The following PCDH9 variants were observed in gnomAD, a reference collection of about 807,000 sequenced individuals.
PCDH9 encodes protocadherin-9.
In PCDH9, 24 loss-of-function variants were observed where a neutral mutation model predicts 70.6. The ratio of observed to expected loss-of-function variants is 0.34; its 90% CI spans 0.25 to 0.48. The LOEUF (loss-of-function observed/expected upper bound fraction) is 0.48. Ranked by LOEUF, PCDH9 falls within the 20% of genes least tolerant of loss-of-function variation. PCDH9 has a pLI of 0.99. For synonymous variants in PCDH9, 562 were observed against 558.5 expected, an observed-to-expected ratio of 1.01 and a Z score of -0.09; for missense variants, 1,281 against 1,503.6, an observed-to-expected ratio of 0.85 and a Z score of 2.45.
chr13:66,457,732 T>C (rs1407670272), intron 4 of PCDH9, among the ~76,000 whole-genome samples: 1 of 152,030 alleles, frequency 6.6e-6, no homozygotes, highest in Non-Finnish European at 1.5e-5. Context: ...TTGGGTCATT[T>C]TTTATGTAAA....
intron 4 of PCDH9, among the ~76,000 whole-genome samples, chr13:66,337,088 T>C (rs1956049495): frequency 1.3e-5 from 2 of 152,034 alleles, no homozygotes; most frequent in South Asian, 4.1e-4. Flanking sequence ...TAACATCAGA[T>C]ACTAAGTAGA....
chr13:67,183,539 T>C (rs1219164776), intron 2 of PCDH9, among the ~76,000 whole-genome samples: 2 of 152,178 alleles, frequency 1.3e-5, no homozygotes, highest in Admixed American at 1.3e-4. Context: ...AAAGTGTGAA[T>C]AAAGACAATC....
At chr13:66,378,052 T>C (rs1956780691) in intron 4 of PCDH9, among the ~76,000 whole-genome samples, 1 of 152,186 alleles carries the variant, frequency 6.6e-6, no homozygotes, top group South Asian at 2.1e-4. Flanking sequence ...AACATTTAAA[T>C]GGTGGAGAGA....
intron 3 of PCDH9, among the ~76,000 whole-genome samples, chr13:66,875,575 T>C (rs995264674): frequency 6.6e-6 from 1 of 152,186 alleles, no homozygotes; most frequent in African/African-American, 2.4e-5. Flanking sequence ...TCCATTCCAA[T>C]GTCTATTTCA....
chr13:66,385,592 A>G (rs955681921), intron 4 of PCDH9, among the ~76,000 whole-genome samples: 1 of 152,094 alleles, frequency 6.6e-6, no homozygotes, highest in African/African-American at 2.4e-5. Context: ...GGAAATAACT[A>G]ATCAGACTTA....
intron 3 of PCDH9, among the ~76,000 whole-genome samples, chr13:66,837,146 TG>T (rs1052580456): frequency 6.6e-6 from 1 of 152,212 alleles, no homozygotes; most frequent in African/African-American, 2.4e-5. Flanking sequence ...TGCTTCAGCT[TG>T]CACTTTTGAG....
intron 4 of PCDH9, among the ~76,000 whole-genome samples, chr13:66,397,737 C>A (rs1315355937): frequency 6.6e-6 from 1 of 151,602 alleles, no homozygotes; most frequent in African/African-American, 2.4e-5. Flanking sequence ...TCAAACTGCT[C>A]TAAAATAATT....
intron 3 of PCDH9, among the ~76,000 whole-genome samples, chr13:66,902,331 T>C (rs998024376): frequency 6.6e-6 from 1 of 151,596 alleles, no homozygotes; most frequent in Admixed American, 6.6e-5. Flanking sequence ...TATTGCTCAA[T>C]CCTCTTTCAA....
At position 66,737,942 on chromosome 13, in the gene PCDH9, C is replaced by T. The variant is rs1048424867; in HGVS notation, c.3139-106531G>A. On this transcript the variant is annotated intron_variant, in intron 3 of 4. Transcript: ENST00000377865. ...GGAGGGGCGCCCGCCATTGCCCAGGCTTGCTTAGGTAAACAAAGCAGCCAG... is the reference window on the plus strand; with the variant it reads ...GGAGGGGCGCCCGCCATTGCCCAGGTTTGCTTAGGTAAACAAAGCAGCCAG... Among the ~76,000 whole-genome samples, 19 of 152,232 alleles carry T rather than the reference C, an allele frequency of 1.2e-4. No homozygotes were observed. The East Asian group carries it at 3.5e-3, about 28-fold the overall frequency.
chr13:66,908,375 T>A (rs148247678), intron 2 of PCDH9, among the ~76,000 whole-genome samples: 84 of 152,348 alleles, frequency 5.5e-4, no homozygotes, highest in African/African-American at 1.9e-3. Context: ...TTGTCAAAAC[T>A]GAAAGGACTA....
chr13:66,866,469 G>A (rs779238286), intron 3 of PCDH9, among the ~76,000 whole-genome samples: 1 of 150,890 alleles, frequency 6.6e-6, no homozygotes, highest in Non-Finnish European at 1.5e-5. Flanking sequence ...GGGACAGAGC[G>A]AGACTCAAAA....
chr13:66,359,587 T>A (rs1956435683), intron 4 of PCDH9, among the ~76,000 whole-genome samples: 1 of 152,030 alleles, frequency 6.6e-6, no homozygotes, highest in South Asian at 2.1e-4. Flanking sequence ...GCAGGTTCCA[T>A]CCTGTCGGCA....
intron 4 of PCDH9, among the ~76,000 whole-genome samples, chr13:66,336,623 G>T (rs1956042343): frequency 6.6e-6 from 1 of 152,058 alleles, no homozygotes; most frequent in Non-Finnish European, 1.5e-5. Context: ...GGTTTATGAA[G>T]AGGACAATAA....
intron 3 of PCDH9, among the ~76,000 whole-genome samples, chr13:66,875,035 G>T (rs919778156): frequency 6.6e-6 from 1 of 151,522 alleles, no homozygotes; most frequent in Non-Finnish European, 1.5e-5. Context: ...TATCTTTAGG[G>T]GAATTGACAC....
intron 4 of PCDH9, among the ~76,000 whole-genome samples, chr13:66,524,441 T>C (rs1263181355): frequency 1.3e-5 from 2 of 152,074 alleles, no homozygotes; most frequent in African/African-American, 4.8e-5. Context: ...GAAATTTTAA[T>C]GTGTAATTAC....
chr13:66,326,491 T>TG (rs1566242785), intron 4 of PCDH9, among the ~76,000 whole-genome samples: 15 of 151,146 alleles, frequency 9.9e-5, no homozygotes, highest in Non-Finnish European at 1.9e-4. Flanking sequence ...CGATCTCGGC[T>TG]CACTGCAAGC....
At chr13:66,349,788 G>C (rs1001555831) in intron 4 of PCDH9, among the ~76,000 whole-genome samples, 2 of 152,194 alleles carry the variant, frequency 1.3e-5, no homozygotes, top group African/African-American at 4.8e-5. Context: ...AGAGAACGGA[G>C]CTCGTGAAAG....
chr13:66,633,876 C>G (rs1423767690), intron 3 of PCDH9, among the ~76,000 whole-genome samples: 1 of 152,186 alleles, frequency 6.6e-6, no homozygotes, highest in South Asian at 2.1e-4. Flanking sequence ...ATATGCACGA[C>G]TAGTTATACC....
intron 4 of PCDH9, among the ~76,000 whole-genome samples, chr13:66,436,196 A>G (rs1468388077): frequency 1.3e-5 from 2 of 152,076 alleles, no homozygotes. Flanking sequence ...AGGAGGTGGG[A>G]CATCTGGGAG....
Sources: allele counts gnomAD v4.1 joint callset (sites outside exome capture counted in the v4.1 genomes callset), GRCh38; gene constraint gnomAD v4.1.1; transcripts MANE v1.5; gene names NCBI Gene and HGNC (gene_info 2026-07-23, HGNC 2026-07-21).